PEX26: variants seen among roughly 807,000 people sequenced by gnomAD.
PEX26 encodes peroxisomal biogenesis factor 26, also known as peroxisome assembly protein 26.
Under a neutral mutation model 31.4 loss-of-function variants are expected in PEX26, and 18 were observed. The ratio of observed to expected loss-of-function variants is 0.57; its 90% CI spans 0.40 to 0.85. PEX26 has a LOEUF of 0.85. Ranked by LOEUF, PEX26 falls within the 40% of genes least tolerant of loss-of-function variation. The pLI, the probability that PEX26 is intolerant of heterozygous loss-of-function variation, is 0.00. For synonymous variants in PEX26, 176 were observed against 166.9 expected (o/e 1.05, Z -0.42); for missense variants, 377 against 383.9 (o/e 0.98, Z 0.15).
chr22:18,080,050 G>C (rs775894383), intron 2 of PEX26, 36 bp downstream of exon 2: 1 of 1,611,208 alleles, frequency 6.2e-7, no homozygotes, highest in East Asian at 2.2e-5. Flanking sequence ...GATCGGTTCA[G>C]AAACGAGAGG....
intron 3 of PEX26, among the ~76,000 whole-genome samples, chr22:18,084,465 A>C (rs9617654): frequency 0.11 from 16,812 of 151,450 alleles, 1,200 homozygotes; most frequent in African/African-American, 0.19. Context: ...GGATGGTCTC[A>C]ATCTCCTGAC....
rs1051573978 is a variant in PEX26 at position 18,097,306 on chromosome 22, C to T, written c.*9231C>T. 6.6e-5 allele frequency: 10 copies of T among 151,834 alleles called. No individual in the cohort carries two copies. The highest frequency in any genetic ancestry group is 1.9e-4 in the African/African-American group (8 of 41,286). The allele number at this position is 151,834 out of a possible 1,614,324, so 9.4% of individuals were successfully genotyped here. On this transcript the variant is annotated 3_prime_UTR_variant, in exon 5 of 5. Transcript: ENST00000399744. Reference sequence around the variant, plus strand: ...TGAGACAGAGCCTCACTCTGTCGCCCAGGCTGGAGTGCAGGGGTGTGATCT... The same window carrying T: ...TGAGACAGAGCCTCACTCTGTCGCCTAGGCTGGAGTGCAGGGGTGTGATCT...
Position 18,083,647 on chromosome 22 carries a change from T to C in PEX26, c.582T>C (p.Asp194=). The change falls in exon 3 of 5, where the codon GAT becomes GAC. Residue 194 remains aspartate, a synonymous_variant. Transcript: ENST00000399744. ...SAAFGEERRL[D]VLQAIHTARQ... ...CCTTTGGTGAGGAGCGGCGACTGGA[T>C]GTACTTCAGGCCATTCACACAGCGA... The C allele has an allele frequency of 6.2e-7, 1 of 1,614,052 alleles. No individual in the cohort carries two copies. The highest frequency in any genetic ancestry group is 8.5e-7 in the Non-Finnish European group (1 of 1,180,020).
At chr22:18,081,282 T>C (rs116025429) in intron 2 of PEX26, among the ~76,000 whole-genome samples, 3,224 of 95,896 alleles carry the variant, frequency 0.034, 107 homozygotes, top group African/African-American at 0.096. Flanking sequence ...ACACACACAT[T>C]ATCCATTCAT....
At chr22:18,083,025 T>A (rs770337774) in intron 2 of PEX26, among the ~76,000 whole-genome samples, 1 of 152,266 alleles carries the variant, frequency 6.6e-6, no homozygotes, top group Non-Finnish European at 1.5e-5. Flanking sequence ...CGCTGTTTTT[T>A]GTACATTGAT....
At chr22:18,087,850 C>CT (rs1251616294) in intron 4 of PEX26, 122 bp from the exon 5 acceptor site, 1 of 777,586 alleles carries the variant, frequency 1.3e-6, no homozygotes, top group East Asian at 2.4e-5. Context: ...GACCCTGTCT[C>CT]TAAAAAAAAC....
rs373550328 is a variant in PEX26, at chr22:18,098,893, T to C, written c.*10818T>C. 5.9e-5 allele frequency: 9 copies of C among 152,294 alleles called. No homozygotes were observed. Among genetic ancestry groups the C allele is most frequent in the African/African-American group, 1.9e-4 (8 of 41,570 alleles). 9.4% of individuals were successfully genotyped at this position (152,294 alleles called of 1,614,324 possible). Reference sequence around the variant, plus strand: ...GGCTACATAGATATGGATGTTTGCATATAGGCACATTTAGCTGGATTAAGT... The same window carrying C: ...GGCTACATAGATATGGATGTTTGCACATAGGCACATTTAGCTGGATTAAGT... On this transcript the variant is annotated 3_prime_UTR_variant, in exon 5 of 5. Transcript: ENST00000399744.
At position 18,097,085 on chromosome 22, in the gene PEX26, A is replaced by C. The variant is rs1432985998; in HGVS notation, c.*9010A>C. Reference sequence around the variant, plus strand: ...TGAGAACTGACTCACTATCACAAGAACAACAGGGGAGAAACTGTTCCTGTG... The same window carrying C: ...TGAGAACTGACTCACTATCACAAGACCAACAGGGGAGAAACTGTTCCTGTG... On this transcript the variant is annotated 3_prime_UTR_variant, in exon 5 of 5. Transcript: ENST00000399744. The C allele has an allele frequency of 6.6e-6, 1 of 152,100 alleles. No individual in the cohort carries two copies. The highest frequency in any genetic ancestry group is 1.5e-5 in the Non-Finnish European group (1 of 68,038). 9.4% of individuals were successfully genotyped at this position (152,100 alleles called of 1,614,324 possible). A position where few individuals can be genotyped will look rare whatever the true frequency, so the allele number is the denominator to read the frequency against.
Position 18,091,685 on chromosome 22 carries a change from TGGAG to T in PEX26, c.*3611_*3614del, listed in dbSNP as rs1927104654. 1 of 152,232 alleles carries T rather than the reference TGGAG, an allele frequency of 6.6e-6. No homozygotes were observed. The highest frequency in any genetic ancestry group is 2.4e-5 in the African/African-American group (1 of 41,440). 9.4% of individuals were successfully genotyped at this position (152,232 alleles called of 1,614,324 possible). A position where few individuals can be genotyped will look rare whatever the true frequency, so the allele number is the denominator to read the frequency against. On this transcript the variant is annotated 3_prime_UTR_variant, in exon 5 of 5. Coordinates refer to ENST00000399744, the MANE Select transcript of PEX26 (RefSeq NM_001127649.3). The stretch of plus-strand genomic sequence containing the variant: ...AAACCTTTCTCAGTCCCAGCATATG[TGGAG>T]CAGCCTCATTCTTCATAGCTGTGTG...
intron 2 of PEX26, among the ~76,000 whole-genome samples, chr22:18,081,167 A>G (rs374518515): frequency 1.4e-5 from 1 of 71,354 alleles, no homozygotes; most frequent in African/African-American, 4.7e-5. Flanking sequence ...ATATATATAT[A>G]TATATATATG....
rs1374671810 is a variant in PEX26, at chr22:18,078,618, G to C, written c.230+12G>C. On this transcript the variant is annotated intron_variant, in intron 1 of 4. Coordinates refer to ENST00000399744, the MANE Select transcript of PEX26 (RefSeq NM_001127649.3). ...GAACCCGCGGGCACGTACGTGCTGG[G>C]CTCGGAAATGAACCGATTTCCGGGC... 24 of 1,594,386 alleles carry C rather than the reference G, an allele frequency of 1.5e-5. No individual in the cohort carries two copies. The highest frequency in any genetic ancestry group is 2.0e-5 in the Non-Finnish European group (24 of 1,173,370).
In PEX26 at chr22:18,091,504, G is replaced by C. The variant is rs982617430; in HGVS notation, c.*3429G>C. On this transcript the variant is annotated 3_prime_UTR_variant, in exon 5 of 5. Coordinates refer to ENST00000399744, the MANE Select transcript of PEX26 (RefSeq NM_001127649.3). Reference sequence around the variant, plus strand: ...AAAAAAAAAATGAGCCGGGCATGGTGGTGGGTACCTGTAATCCCAGCTACT... The same window carrying C: ...AAAAAAAAAATGAGCCGGGCATGGTCGTGGGTACCTGTAATCCCAGCTACT... The C allele has an allele frequency of 8.5e-5, 13 of 152,104 alleles. No individual in the cohort carries two copies. The highest frequency in any genetic ancestry group is 3.1e-4 in the African/African-American group (13 of 41,396). The allele number at this position is 152,104 out of a possible 1,614,324, so 9.4% of individuals were successfully genotyped here.
At position 18,102,176 on chromosome 22, in the gene PEX26, G is replaced by A. The variant is rs1462540226; in HGVS notation, c.*14101G>A. 1 of 152,262 alleles carries A rather than the reference G, an allele frequency of 6.6e-6. No homozygotes were observed. The highest frequency in any genetic ancestry group is 1.5e-5 in the Non-Finnish European group (1 of 68,092). 9.4% of individuals were successfully genotyped at this position (152,262 alleles called of 1,614,324 possible). A position where few individuals can be genotyped will look rare whatever the true frequency, so the allele number is the denominator to read the frequency against. On this transcript the variant is annotated 3_prime_UTR_variant, in exon 5 of 5. Coordinates refer to ENST00000399744, the MANE Select transcript of PEX26 (RefSeq NM_001127649.3). ...ACACTGAATGTATGCTGGCAGAAGGGCCTCAGGTGGAATGCTGGGCATGGG... is the reference window on the plus strand; with the variant it reads ...ACACTGAATGTATGCTGGCAGAAGGACCTCAGGTGGAATGCTGGGCATGGG...
chr22:18,078,305 G>A lies in PEX26; in HGVS notation c.-72G>A. 1.8e-6 allele frequency: 2 copies of A among 1,117,134 alleles called. No homozygotes were observed. The highest frequency in any genetic ancestry group is 1.3e-6 in the Non-Finnish European group (1 of 754,276). 69.2% of individuals were successfully genotyped at this position (1,117,134 alleles called of 1,614,324 possible). A position where few individuals can be genotyped will look rare whatever the true frequency, so the allele number is the denominator to read the frequency against. ...CTCCCTCTTCGCCCAGGCCAACTCG[G>A]GATATCCCGGAGCCTCTGGGGAGGC... On this transcript the variant is annotated 5_prime_UTR_variant, in exon 1 of 5. Transcript: ENST00000399744.
In PEX26 at chr22:18,095,824, T is replaced by C. The variant is rs1031311410; in HGVS notation, c.*7749T>C. 3.6e-5 allele frequency: 5 copies of C among 138,720 alleles called. No homozygotes were observed. Among genetic ancestry groups the C allele is most frequent in the African/African-American group, 1.3e-4 (5 of 37,220 alleles). 8.6% of individuals were successfully genotyped at this position (138,720 alleles called of 1,614,324 possible). A position where few individuals can be genotyped will look rare whatever the true frequency, so the allele number is the denominator to read the frequency against. ...GGTCCCAGACCCATAATGCCCAAGT[T>C]TGTATCTTTTTTTTTTGAGACAGAG... On this transcript the variant is annotated 3_prime_UTR_variant, in exon 5 of 5. Coordinates refer to ENST00000399744, the MANE Select transcript of PEX26 (RefSeq NM_001127649.3).
chr22:18,087,398 C>G (rs385118), intron 4 of PEX26, among the ~76,000 whole-genome samples: 79,353 of 152,054 alleles, frequency 0.52, 22,206 homozygotes, highest in Non-Finnish European at 0.64. Context: ...TCACATAGCT[C>G]AGAGTTGTCC....
chr22:18,104,472 A>C lies in PEX26; in HGVS notation c.*16397A>C, dbSNP rs1471912924. The C allele has an allele frequency of 7.2e-5, 11 of 152,120 alleles. No homozygotes were observed. The highest frequency in any genetic ancestry group is 7.2e-4 in the Admixed American group (11 of 15,222). 9.4% of individuals were successfully genotyped at this position (152,120 alleles called of 1,614,324 possible). ...TGCCTCAGCCTTCCAAAGCGTTGGG[A>C]TTACAGGCATGAGCCATCGCACCCG... is the stretch of plus-strand genomic sequence containing the variant. On this transcript the variant is annotated 3_prime_UTR_variant, in exon 5 of 5. Coordinates refer to ENST00000399744, the MANE Select transcript of PEX26 (RefSeq NM_001127649.3).
intron 1 of PEX26, chr22:18,078,915 C>A (rs1031935636): frequency 1.9e-6 from 1 of 528,520 alleles, no homozygotes; most frequent in South Asian, 1.8e-5. Context: ...TGGTAAAAGT[C>A]CTCTCCCAGG....
chr22:18,084,357 G>A (rs1471141652), intron 3 of PEX26, among the ~76,000 whole-genome samples: 7 of 150,284 alleles, frequency 4.7e-5, no homozygotes, highest in African/African-American at 1.7e-4. Flanking sequence ...CCATTCTCCT[G>A]CCTCAGCCTC....
Sources: allele counts gnomAD v4.1 joint callset (sites outside exome capture counted in the v4.1 genomes callset), GRCh38; gene constraint gnomAD v4.1.1; transcripts MANE v1.5; gene names NCBI Gene and HGNC (gene_info 2026-07-23, HGNC 2026-07-21).